The following KCNT1 variants were observed in gnomAD, a reference collection of about 807,000 sequenced individuals.
KCNT1 encodes potassium sodium-activated channel subfamily T member 1.
In KCNT1, 78 loss-of-function variants were observed where a neutral mutation model predicts 147.8. The ratio of observed to expected loss-of-function variants is 0.53; its 90% CI spans 0.44 to 0.64. The LOEUF (loss-of-function observed/expected upper bound fraction) is 0.64. Ranked by LOEUF, KCNT1 falls within the 30% of genes least tolerant of loss-of-function variation. The probability of loss-of-function intolerance (pLI) is 0.00; values close to 1 mark genes in which losing one functional copy is unlikely to be tolerated. For missense variants in KCNT1, 1,419 were observed against 1,750.3 expected (o/e 0.81, Z 3.38); for synonymous variants, 867 against 748.8 (o/e 1.16, Z -2.58).
chr9:135,726,822 A>T (rs1371091963), intron 2 of KCNT1, among the ~76,000 whole-genome samples: 25 of 61,632 alleles, frequency 4.1e-4, no homozygotes, highest in South Asian at 4.9e-4. Context: ...TCTCTTTCCC[A>T]TTCTCTCACT....
chr9:135,756,968 T>TC (rs1319901584), intron 7 of KCNT1, 36 bp downstream of exon 7: 13 of 852,728 alleles, frequency 1.5e-5, no homozygotes, highest in East Asian at 3.8e-5. Context: ...TCACAGGGGG[T>TC]CCCCACCCTC....
intron 29 of KCNT1, chr9:135,791,299 AG>A (rs1834499612): frequency 5.8e-6 from 1 of 172,606 alleles, no homozygotes; most frequent in Admixed American, 6.0e-5. Flanking sequence ...GTGAGTGTGC[AG>A]GGGTCTGTGG....
chr9:135,731,767 A>T (rs1289680615), intron 2 of KCNT1, among the ~76,000 whole-genome samples: 4 of 151,260 alleles, frequency 2.6e-5, no homozygotes, highest in Non-Finnish European at 5.9e-5. Flanking sequence ...CAGCCAGCTC[A>T]CTTCACCCCC....
intron 2 of KCNT1, among the ~76,000 whole-genome samples, chr9:135,719,375 G>A (rs1835837841): frequency 6.6e-6 from 1 of 152,190 alleles, no homozygotes; most frequent in Non-Finnish European, 1.5e-5. Context: ...TCTGGTCTGT[G>A]GCAGTGGAGG....
At chr9:135,791,498 C>T (rs1469162299) in intron 29 of KCNT1, 3 of 424,514 alleles carry the variant, frequency 7.1e-6, no homozygotes, top group Non-Finnish European at 1.3e-5. Context: ...CAGGTGTGCT[C>T]AGTGCCTCTG....
rs2131324182 is a variant in KCNT1 at position 135,712,124 on chromosome 9, A to G, written c.111-2453A>G. On this transcript the variant is annotated intron_variant, in intron 1 of 30. Coordinates refer to ENST00000371757, the MANE Select transcript of KCNT1 (RefSeq NM_020822.3). ...AGCCCAGAGAGTCCCCAAGAGGAGC[A>G]GCGGGGTGCTCTGAGCCCCTGGGCT... 1.3e-5 allele frequency among the ~76,000 whole-genome samples: 2 copies of G among 152,266 alleles called. 1 individual carries two copies. The highest frequency in any genetic ancestry group is 4.1e-4 in the South Asian group (2 of 4,822).
intron 18 of KCNT1, among the ~76,000 whole-genome samples, chr9:135,771,834 G>A (rs1474830967): frequency 1.3e-5 from 2 of 152,162 alleles, no homozygotes; most frequent in Non-Finnish European, 2.9e-5. Flanking sequence ...AGCCACTCAG[G>A]CCACAGACCC....
At chr9:135,775,513 T>C in intron 20 of KCNT1, 98 bp downstream of exon 20, 1 of 854,718 alleles carries the variant, frequency 1.2e-6, no homozygotes, top group Non-Finnish European at 1.8e-6. Flanking sequence ...TACATTTCGA[T>C]ACCATTGCAA....
intron 11 of KCNT1, among the ~76,000 whole-genome samples, chr9:135,760,430 G>A (rs571823338): frequency 6.6e-6 from 1 of 152,324 alleles, no homozygotes; most frequent in South Asian, 2.1e-4. Flanking sequence ...AGCCCACCCT[G>A]GAGGGACCCT....
chr9:135,739,614 C>G (rs1830480209), intron 2 of KCNT1, among the ~76,000 whole-genome samples: 1 of 152,170 alleles, frequency 6.6e-6, no homozygotes, highest in African/African-American at 2.4e-5. Flanking sequence ...ACACCCCTTC[C>G]CCTGGGCCTG....
chr9:135,773,139 C>A (rs1289557279), intron 19 of KCNT1, among the ~76,000 whole-genome samples, 190 bp downstream of exon 19: 1 of 152,248 alleles, frequency 6.6e-6, no homozygotes, highest in Non-Finnish European at 1.5e-5. Context: ...CCACATCACC[C>A]TCGTCGCCGG....
chr9:135,768,263 GGATACCGGT>G lies in KCNT1; in HGVS notation c.1338-345_1338-337del, dbSNP rs1832453869. On this transcript the variant is annotated intron_variant, in intron 13 of 30. Transcript: ENST00000371757. The stretch of plus-strand genomic sequence containing the variant: ...TGCGGGGGGGGGGGGGGGGGCACTG[GGATACCGGT>G]GGGGGGGGCACAGGGATGCCTGCTG... Among the ~76,000 whole-genome samples the G allele has an allele frequency of 1.7e-4, 3 of 17,532 alleles. 1 individual carries two copies. The highest frequency in any genetic ancestry group is 5.2e-4 in the Admixed American group (1 of 1,940). The allele number at this position is 17,532 out of a possible 152,430, so 11.5% of individuals were successfully genotyped here. A position where few individuals can be genotyped will look rare whatever the true frequency, so the allele number is the denominator to read the frequency against.
chr9:135,758,912 G>C (rs573975679), intron 10 of KCNT1, among the ~76,000 whole-genome samples: 7 of 135,988 alleles, frequency 5.1e-5, no homozygotes, highest in Admixed American at 3.3e-4. Flanking sequence ...ACCCAGGCAT[G>C]CCCACTGTGC....
chr9:135,731,979 TATATATATATATAGAGAG>T (rs1390663023), intron 2 of KCNT1, among the ~76,000 whole-genome samples: 18 of 28,230 alleles, frequency 6.4e-4, no homozygotes, highest in African/African-American at 1.9e-3. Context: ...TATATATATA[TATATATATATATAGAGAG>T]AGAGAGAGAG....
intron 3 of KCNT1, chr9:135,750,682 G>A: frequency 1.8e-6 from 1 of 566,134 alleles, no homozygotes; most frequent in Admixed American, 3.1e-5. Flanking sequence ...CCTCCAAGAA[G>A]TGGAGTGGCC....
rs375642323 is a variant in KCNT1, at chr9:135,740,182, CAT to C, written c.255-9914_255-9913del. ...CCGCTTTAAAGGCCTCGTCTCCAAA[CAT>C]AGCCACGTGCTGAGATACTGGGGGT... On this transcript the variant is annotated intron_variant, in intron 2 of 30. Transcript: ENST00000371757. Among the ~76,000 whole-genome samples, 44 of 152,332 alleles carry C rather than the reference CAT, an allele frequency of 2.9e-4. No homozygotes were observed. In the South Asian group the frequency reaches 9.1e-3, roughly 32 times the overall value.
chr9:135,728,018 T>G (rs1288218669), intron 2 of KCNT1, among the ~76,000 whole-genome samples: 1 of 152,188 alleles, frequency 6.6e-6, no homozygotes, highest in Non-Finnish European at 1.5e-5. Flanking sequence ...GTTATGCACA[T>G]TTACTACAAA....
At chr9:135,763,183 G>A (rs1291152738) in intron 11 of KCNT1, among the ~76,000 whole-genome samples, 1 of 152,162 alleles carries the variant, frequency 6.6e-6, no homozygotes, top group Non-Finnish European at 1.5e-5. Context: ...GCAGGGCTGG[G>A]GGTGATTGGG....
intron 13 of KCNT1, among the ~76,000 whole-genome samples, chr9:135,766,495 G>A (rs114734487): frequency 0.025 from 3,842 of 150,840 alleles, 164 homozygotes; most frequent in African/African-American, 0.089. Flanking sequence ...CTCTGGGGTT[G>A]TCTGGGGTGG....
Sources: allele counts gnomAD v4.1 joint callset (sites outside exome capture counted in the v4.1 genomes callset), GRCh38; gene constraint gnomAD v4.1.1; transcripts MANE v1.5; gene names NCBI Gene and HGNC (gene_info 2026-07-23, HGNC 2026-07-21).